Variants in ADK observed in about 807,000 individuals in gnomAD.
The protein encoded by ADK is N6,N6-dimethyladenosine kinase.
In ADK, 24 loss-of-function variants were observed where a neutral mutation model predicts 44.7. The observed-to-expected ratio is 0.54, with a 90% CI of 0.39 to 0.76. The LOEUF (loss-of-function observed/expected upper bound fraction) is 0.76. Ranked by LOEUF, ADK falls within the 30% of genes least tolerant of loss-of-function variation. The pLI is 0.00. For missense variants in ADK, 321 were observed against 425.1 expected (o/e 0.76, Z 2.15); for synonymous variants, 128 against 142.6 (o/e 0.90, Z 0.73).
intron 6 of ADK, among the ~76,000 whole-genome samples, chr10:74,419,854 T>C (rs1461279264): frequency 6.6e-6 from 1 of 152,170 alleles, no homozygotes; most frequent in Non-Finnish European, 1.5e-5. Flanking sequence ...ATGGTTGTAA[T>C]TGCATTTTAG....
intron 6 of ADK, among the ~76,000 whole-genome samples, chr10:74,412,226 A>C (rs997597111): frequency 1.3e-5 from 2 of 152,102 alleles, no homozygotes; most frequent in Non-Finnish European, 2.9e-5. Context: ...CCTGTCACTC[A>C]GGCAGGGAAG....
At chr10:74,310,841 AT>A (rs1040459707) in intron 3 of ADK, among the ~76,000 whole-genome samples, 5 of 149,420 alleles carry the variant, frequency 3.3e-5, no homozygotes, top group Admixed American at 1.3e-4. Context: ...TCAACCCTGA[AT>A]TTTTTTTTTC....
In ADK at chr10:74,382,764, CT is replaced by C. The variant is rs200504487; in HGVS notation, c.274-11372del. Among the ~76,000 whole-genome samples the C allele has an allele frequency of 1.1e-3, 163 of 151,994 alleles. 3 individuals carry two copies. In the East Asian group the frequency reaches 0.031, roughly 29 times the overall value. ...GATGAATTTGACTCAGTTCTGTAAC[CT>C]TTTTGCTCTTTTTCTTGAAAAGAAA... On this transcript the variant is annotated intron_variant, in intron 4 of 10. Coordinates refer to ENST00000539909, the MANE Select transcript of ADK (RefSeq NM_006721.4).
chr10:74,300,835 G>T (rs1041476451), intron 3 of ADK, among the ~76,000 whole-genome samples: 1 of 152,230 alleles, frequency 6.6e-6, no homozygotes, highest in Non-Finnish European at 1.5e-5. Flanking sequence ...AAAACAAGAA[G>T]TGATACTTCT....
At chr10:74,620,181 T>A (rs868249104) in intron 9 of ADK, among the ~76,000 whole-genome samples, 1 of 152,204 alleles carries the variant, frequency 6.6e-6, no homozygotes, top group Non-Finnish European at 1.5e-5. Flanking sequence ...ACTGTAGTTA[T>A]CCTACATTGC....
chr10:74,232,763 C>G (rs1050074539), intron 3 of ADK, among the ~76,000 whole-genome samples: 6 of 152,066 alleles, frequency 3.9e-5, no homozygotes, highest in African/African-American at 1.4e-4. Context: ...GTAGCTGGGA[C>G]TATAGGCGCA....
At chr10:74,231,640 A>G (rs1425809334) in intron 3 of ADK, among the ~76,000 whole-genome samples, 1 of 151,738 alleles carries the variant, frequency 6.6e-6, no homozygotes, top group Non-Finnish European at 1.5e-5. Context: ...TAATTTTTGT[A>G]TTTTTTGTTG....
At chr10:74,362,801 C>G (rs961345463) in intron 4 of ADK, among the ~76,000 whole-genome samples, 5 of 152,252 alleles carry the variant, frequency 3.3e-5, no homozygotes, top group Non-Finnish European at 7.3e-5. Flanking sequence ...CCCAGGTTTT[C>G]TGAGTCCTGC....
chr10:74,322,003 T>C (rs547500662), intron 4 of ADK, among the ~76,000 whole-genome samples: 25 of 152,338 alleles, frequency 1.6e-4, no homozygotes, highest in African/African-American at 5.8e-4. Context: ...TTACAGTATT[T>C]AGAAGTTAAA....
At chr10:74,176,568 T>C in intron 1 of ADK, 1 of 1,351,166 alleles carries the variant, frequency 7.4e-7, no homozygotes, top group Non-Finnish European at 9.5e-7. Context: ...GGACTCAAGA[T>C]GGCCACCGCG....
At chr10:74,192,295 T>A (rs1056195562) in intron 1 of ADK, among the ~76,000 whole-genome samples, 4 of 152,074 alleles carry the variant, frequency 2.6e-5, no homozygotes, top group African/African-American at 9.7e-5. Context: ...TGCCGCGATC[T>A]TGGCTCACCA....
chr10:74,183,964 T>A (rs1002663330), intron 1 of ADK, among the ~76,000 whole-genome samples: 10 of 152,184 alleles, frequency 6.6e-5, no homozygotes, highest in Admixed American at 6.5e-4. Context: ...TCACCCAGGC[T>A]GGAGTGCAGT....
chr10:74,370,842 G>T (rs1592113428), intron 4 of ADK, among the ~76,000 whole-genome samples: 1 of 152,170 alleles, frequency 6.6e-6, no homozygotes, highest in East Asian at 1.9e-4. Context: ...CAAAAGTGCT[G>T]GGATTATAGA....
At chr10:74,224,427 A>G (rs925131827) in intron 2 of ADK, 111 bp from the exon 3 acceptor site, 12 of 826,016 alleles carry the variant, frequency 1.5e-5, no homozygotes, top group East Asian at 1.1e-4. Context: ...TGTTTTATCA[A>G]TTAAGTCAGA....
Position 74,264,884 on chromosome 10 carries a change from G to T in ADK, c.194+40293G>T, listed in dbSNP as rs1243213368. ...CCTTAATAGTTTTTTGTTTGCATGG[G>T]GGTCAATTTCTGGGTTCTAATTCTG... On this transcript the variant is annotated intron_variant, in intron 3 of 10. Transcript: ENST00000539909. Among the ~76,000 whole-genome samples, 4 of 152,194 alleles carry T rather than the reference G, an allele frequency of 2.6e-5. No individual in the cohort carries two copies. The East Asian group carries it at 7.7e-4, about 29-fold the overall frequency.
At chr10:74,223,390 C>G (rs146635050) in intron 2 of ADK, among the ~76,000 whole-genome samples, 3 of 152,122 alleles carry the variant, frequency 2.0e-5, no homozygotes, top group African/African-American at 2.4e-5. Context: ...AATATTGCCC[C>G]GTTGGGGATT....
At chr10:74,176,731 C>T in intron 1 of ADK, 1 of 1,500,888 alleles carries the variant, frequency 6.7e-7, no homozygotes, top group South Asian at 1.3e-5. Context: ...CCAGGGGCCG[C>T]CCGCGCGCGG....
chr10:74,289,191 G>C (rs1423780376), intron 3 of ADK, among the ~76,000 whole-genome samples: 1 of 152,088 alleles, frequency 6.6e-6, no homozygotes, highest in Non-Finnish European at 1.5e-5. Flanking sequence ...GCTTCTTCTA[G>C]GAACTACAAT....
At chr10:74,472,121 C>T (rs556051714) in intron 6 of ADK, among the ~76,000 whole-genome samples, 2 of 152,132 alleles carry the variant, frequency 1.3e-5, no homozygotes, top group South Asian at 2.1e-4. Flanking sequence ...AGGAGAATCA[C>T]GAGTTCAGGA....
Sources: allele counts gnomAD v4.1 joint callset (sites outside exome capture counted in the v4.1 genomes callset), GRCh38; gene constraint gnomAD v4.1.1; transcripts MANE v1.5; gene names NCBI Gene and HGNC (gene_info 2026-07-23, HGNC 2026-07-21).